MYH15: variants seen among roughly 807,000 people sequenced by gnomAD.
MYH15 encodes the protein myosin-15.
A neutral mutation model predicts 240.5 loss-of-function variants in MYH15; 227 were observed. The observed-to-expected ratio is 0.94, with a 90% confidence interval of 0.85 to 1.05. The LOEUF is 1.05. Among genes scored for constraint, MYH15 ranks in the 50% least tolerant of loss-of-function variants. MYH15 has a pLI of 0.00. For synonymous variants in MYH15, 785 were observed against 796.7 expected (o/e 0.99, Z 0.25); for missense variants, 2,217 against 2,247.5 (o/e 0.99, Z 0.27).
In MYH15 at chr3:108,437,629, C is replaced by A; in HGVS notation, c.3146G>T (p.Gly1049Val). The A allele has an allele frequency of 5.0e-6, 8 of 1,614,094 alleles. No homozygotes were observed. Among genetic ancestry groups the A allele is most frequent in the Non-Finnish European group, 6.8e-6 (8 of 1,179,990 alleles). Reference protein sequence around the residue: ...NCERELHKLEGNLKLNRESME... With the variant: ...NCERELHKLEVNLKLNRESME... ...ACTTTCCCGATTCAGCTTTAAATTG[C>A]CCTCCAGTTTGTGCAGTTCCCTTTC... The change falls in exon 25 of 41, where the codon GGC (glycine) becomes GTC (valine). Residue 1049 changes from glycine (G) to valine (V), a missense_variant. By Grantham distance (109) the Gly-to-Val change is moderately radical. Coordinates refer to ENST00000693548, the MANE Select transcript of MYH15 (RefSeq NM_014981.3).
intron 7 of MYH15, among the ~76,000 whole-genome samples, chr3:108,493,391 G>A (rs1295082501): frequency 2.0e-5 from 3 of 152,186 alleles, no homozygotes; most frequent in Non-Finnish European, 2.9e-5. Context: ...ATATCTGGAG[G>A]AAGCCAGAAT....
At chr3:108,465,108 A>T (rs554628784) in intron 14 of MYH15, among the ~76,000 whole-genome samples, 1 of 152,324 alleles carries the variant, frequency 6.6e-6, no homozygotes, top group East Asian at 1.9e-4. Context: ...ACAAAGAAAT[A>T]ACTCCAAAAA....
chr3:108,405,567 T>C (rs2082540423), intron 32 of MYH15, 114 bp from the exon 33 acceptor site: 1 of 523,864 alleles, frequency 1.9e-6, no homozygotes. Context: ...GGGAGAGATA[T>C]AGGTTCAAGC....
At position 108,430,820 on chromosome 3, in the gene MYH15, A is replaced by C. The variant is rs762841038; in HGVS notation, c.3312+12T>G. 5.0e-6 allele frequency: 8 copies of C among 1,594,756 alleles called. No homozygotes were observed. ...AAATATAAATACACAGGCATATTTGATAATTGATTACCTGAAGCTCTTTAA... is the reference window on the plus strand; with the variant it reads ...AAATATAAATACACAGGCATATTTGCTAATTGATTACCTGAAGCTCTTTAA... On this transcript the variant is annotated intron_variant, in intron 26 of 40. Coordinates refer to ENST00000693548, the MANE Select transcript of MYH15 (RefSeq NM_014981.3).
intron 34 of MYH15, 50 bp from the exon 35 acceptor site, chr3:108,398,890 T>C (rs764680406): frequency 4.5e-6 from 7 of 1,558,148 alleles, no homozygotes; most frequent in Non-Finnish European, 6.2e-6. Context: ...GAGTTCAACA[T>C]AGACTATGCA....
upstream of MYH15, among the ~76,000 whole-genome samples, chr3:108,531,745 C>T (rs982937242): frequency 4.0e-5 from 6 of 151,648 alleles, no homozygotes; most frequent in African/African-American, 1.5e-4. Context: ...CCACTGCACT[C>T]CAGCCTGGGC....
chr3:108,504,926 A>G (rs1170423900), intron 2 of MYH15, among the ~76,000 whole-genome samples: 1 of 152,066 alleles, frequency 6.6e-6, no homozygotes, highest in Non-Finnish European at 1.5e-5. Flanking sequence ...GTCATAGATG[A>G]CCTCCTAATT....
At chr3:108,471,689 G>A (rs764827919) in intron 12 of MYH15, among the ~76,000 whole-genome samples, 1 of 151,954 alleles carries the variant, frequency 6.6e-6, no homozygotes, top group African/African-American at 2.4e-5. Context: ...TCTGGTCTTG[G>A]GCTGTAAATC....
intron 11 of MYH15, among the ~76,000 whole-genome samples, chr3:108,481,199 T>C (rs2083263999): frequency 6.6e-6 from 1 of 152,250 alleles, no homozygotes; most frequent in African/African-American, 2.4e-5. Flanking sequence ...AACATGAATA[T>C]GATCACATTT....
chr3:108,418,786 G>C (rs1049124506), intron 28 of MYH15, among the ~76,000 whole-genome samples: 3 of 151,652 alleles, frequency 2.0e-5, no homozygotes, highest in South Asian at 2.1e-4. Flanking sequence ...TTTTGAGACA[G>C]AGTCTCACTC....
chr3:108,499,710 C>T (rs945188896), intron 4 of MYH15, among the ~76,000 whole-genome samples: 2 of 152,144 alleles, frequency 1.3e-5, no homozygotes, highest in African/African-American at 2.4e-5. Context: ...TACTTCTTTG[C>T]GCTACATATA....
At chr3:108,538,966 T>C in the MYH15 span, among the ~76,000 whole-genome samples, 2 of 152,160 alleles carry the variant, frequency 1.3e-5, no homozygotes, top group Non-Finnish European at 2.9e-5. Context: ...TTCTCACTTT[T>C]GTTAACAAGC....
intron 33 of MYH15, among the ~76,000 whole-genome samples, chr3:108,399,693 C>T (rs1293988769): frequency 6.6e-6 from 1 of 152,124 alleles, no homozygotes; most frequent in Non-Finnish European, 1.5e-5. Context: ...AATGTCTGAA[C>T]AAGGCAGGAA....
intron 9 of MYH15, among the ~76,000 whole-genome samples, chr3:108,491,081 T>A (rs2107598756): frequency 6.6e-6 from 1 of 152,178 alleles, no homozygotes; most frequent in African/African-American, 2.4e-5. Flanking sequence ...AGAGACTGGT[T>A]TTTACCATGT....
chr3:108,381,576 C>G lies in MYH15; in HGVS notation c.5767-17G>C, dbSNP rs1193264813. ...TTCTTGAACCTGAAAAACAGAATGT[C>G]AGTGTGTTCTGTGAATTTCCTGTGA... On this transcript the variant is annotated splice_polypyrimidine_tract_variant and intron_variant, in intron 40 of 40. Transcript: ENST00000693548. 1 of 1,613,214 alleles carries G rather than the reference C, an allele frequency of 6.2e-7. No individual in the cohort carries two copies. The highest frequency in any genetic ancestry group is 8.5e-7 in the Non-Finnish European group (1 of 1,179,320).
the MYH15 span, among the ~76,000 whole-genome samples, chr3:108,546,041 A>T: frequency 5.3e-5 from 8 of 152,290 alleles, no homozygotes; most frequent in African/African-American, 1.9e-4. Context: ...TTTAAAAGTC[A>T]TATCAGTTTG....
intron 8 of MYH15, 55 bp downstream of exon 8, chr3:108,493,059 A>C (rs2083365275): frequency 7.3e-7 from 1 of 1,370,472 alleles, no homozygotes; most frequent in Admixed American, 1.7e-5. Flanking sequence ...AGAGAAGGGA[A>C]GGGAAGGAAG....
Position 108,485,231 on chromosome 3 carries a change from T to G in MYH15, c.976-2A>C, listed in dbSNP as rs1428627733. 6 of 1,613,596 alleles carry G rather than the reference T, an allele frequency of 3.7e-6. No homozygotes were observed. The highest frequency in any genetic ancestry group is 5.1e-6 in the Non-Finnish European group (6 of 1,179,858). On this transcript the variant is annotated splice_acceptor_variant, in intron 10 of 40. Transcript: ENST00000693548. LOFTEE classifies it high-confidence loss of function. ...AAAGCCCAAGATGTCCATGGCTTGC[T>G]GTAAAAAGAGAAACAGATGGCCCTG...
chr3:108,536,446 T>A, the MYH15 span, among the ~76,000 whole-genome samples: 1 of 152,234 alleles, frequency 6.6e-6, no homozygotes, highest in East Asian at 1.9e-4. Context: ...GGACAATGCC[T>A]AGCATCAAGG....
Sources: gnomAD v4.1 joint callset for allele counts (sites outside exome capture counted in the v4.1 genomes callset) on GRCh38, gnomAD v4.1.1 for gene constraint, MANE v1.5 for transcripts, NCBI Gene and HGNC (gene_info 2026-07-23, HGNC 2026-07-21) for gene names.